The following SLC26A1 variants were observed in gnomAD, a reference collection of about 807,000 sequenced individuals.
The protein encoded by SLC26A1 is sulfate anion transporter 1.
In SLC26A1, 18 loss-of-function variants were observed where a neutral mutation model predicts 14.5. The observed-to-expected ratio is 1.24, with a 90% confidence interval of 0.86 to 1.84. The LOEUF (loss-of-function observed/expected upper bound fraction) is 1.84, where lower values mean the gene tolerates loss of function less well. Ranked by LOEUF, SLC26A1 falls within the 40% of genes most tolerant of loss-of-function variation. The pLI is 0.00. For synonymous variants in SLC26A1, 505 were observed against 492.0 expected (o/e 1.03, Z -0.35); for missense variants, 1,049 against 1,020.0 (o/e 1.03, Z -0.39).
At position 988,208 on chromosome 4, in the gene SLC26A1, A is replaced by C; in HGVS notation, c.*625T>G. On this transcript the variant is annotated 3_prime_UTR_variant, in exon 3 of 3. Transcript: ENST00000398516. ...CTGCGCCGCACCTGGCTCCTGGTGC[A>C]CCCGTGAGCATCCCTGTGTGTGTCT... 7.4e-7 allele frequency: 1 copy of C among 1,343,452 alleles called. No homozygotes were observed. Among genetic ancestry groups the C allele is most frequent in the African/African-American group, 1.5e-5 (1 of 67,798 alleles). 83.2% of individuals were successfully genotyped at this position (1,343,452 alleles called of 1,614,324 possible).
In SLC26A1 at chr4:988,770, C is replaced by T; in HGVS notation, c.*63G>A. 2.7e-6 allele frequency: 4 copies of T among 1,462,156 alleles called. No homozygotes were observed. Among genetic ancestry groups the T allele is most frequent in the Non-Finnish European group, 3.6e-6 (4 of 1,106,588 alleles). 90.6% of individuals were successfully genotyped at this position (1,462,156 alleles called of 1,614,324 possible). On this transcript the variant is annotated 3_prime_UTR_variant, in exon 3 of 3. Transcript: ENST00000398516. ...TCCCTGGGAAGGGTCTCAGCAGTGG[C>T]TTGCAGACGTCTGCTGTGGGTCCCC...
At chr4:991,018 G>C in intron 2 of SLC26A1, 110 bp downstream of exon 2, 1 of 1,151,570 alleles carries the variant, frequency 8.7e-7, no homozygotes, top group Non-Finnish European at 1.2e-6. Flanking sequence ...TCTTGGGCCA[G>C]CACCTCCTCT....
intron 2 of SLC26A1, among the ~76,000 whole-genome samples, chr4:980,107 C>T (rs1005554193): frequency 6.6e-6 from 1 of 152,176 alleles, no homozygotes; most frequent in East Asian, 1.9e-4. Flanking sequence ...GAGATCAGGA[C>T]GGGATTGGAG....
At position 988,158 on chromosome 4, in the gene SLC26A1, G is replaced by C. The variant is rs969123791; in HGVS notation, c.*675C>G. On this transcript the variant is annotated 3_prime_UTR_variant, in exon 3 of 3. Coordinates refer to ENST00000398516, the MANE Select transcript of SLC26A1 (RefSeq NM_022042.4). ...CATGGGGCACGGTGGGCTTCCTGCA[G>C]GTCTCCCTGCAGGCTCAGGGTTGGC... 1 of 1,399,278 alleles carries C rather than the reference G, an allele frequency of 7.1e-7. No individual in the cohort carries two copies. Among genetic ancestry groups the C allele is most frequent in the African/African-American group, 1.5e-5 (1 of 68,886 alleles). The allele number at this position is 1,399,278 out of a possible 1,614,324, so 86.7% of individuals were successfully genotyped here. A position where few individuals can be genotyped will look rare whatever the true frequency, so the allele number is the denominator to read the frequency against.
At chr4:990,549 C>T (rs1056148701) in intron 2 of SLC26A1, 187 bp from the exon 3 acceptor site, 8 of 611,620 alleles carry the variant, frequency 1.3e-5, no homozygotes, top group East Asian at 2.8e-5. Flanking sequence ...GTGCTCATGC[C>T]CGCAGACAAC....
chr4:986,304 C>A (rs975144032), downstream of SLC26A1, among the ~76,000 whole-genome samples: 1 of 152,062 alleles, frequency 6.6e-6, no homozygotes, highest in African/African-American at 2.4e-5. Flanking sequence ...TACAGTTGTC[C>A]CATGGTATCC....
chr4:992,466 T>C (rs1714441118), intron 1 of SLC26A1, among the ~76,000 whole-genome samples: 1 of 152,140 alleles, frequency 6.6e-6, no homozygotes, highest in Non-Finnish European at 1.5e-5. Context: ...GCCTAGCCCA[T>C]CCGCCTGGAC....
exon 3 of SLC26A1, chr4:979,121 C>T (rs1713460585): frequency 3.6e-6 from 1 of 274,470 alleles, no homozygotes; most frequent in African/African-American, 2.2e-5. Context: ...GAAAGGTAAT[C>T]CTCAGGCCCA....
rs121965029 is a variant in SLC26A1, at chr4:987,916, G to A, written c.*917C>T. 20 of 1,600,848 alleles carry A rather than the reference G, an allele frequency of 1.2e-5. No homozygotes were observed. The highest frequency in any genetic ancestry group is 1.7e-4 in the Middle Eastern group (1 of 6,016). On this transcript the variant is annotated 3_prime_UTR_variant, in exon 3 of 3. Coordinates refer to ENST00000398516, the MANE Select transcript of SLC26A1 (RefSeq NM_022042.4). Reference sequence around the variant, plus strand: ...CCTCACCGCGGCATCAAGCAGGTCCGGACCCACTGGCTGCTGGAGCTTGTC... The same window carrying A: ...CCTCACCGCGGCATCAAGCAGGTCCAGACCCACTGGCTGCTGGAGCTTGTC...
chr4:989,882 C>A lies in SLC26A1; in HGVS notation c.1057G>T (p.Ala353Ser). 6.4e-7 allele frequency: 1 copy of A among 1,571,532 alleles called. No individual in the cohort carries two copies. The change falls in exon 3 of 3, where the codon GCC becomes TCC. Residue 353 changes from alanine to serine, a missense_variant. By Grantham distance (99) the Ala-to-Ser change is moderately conservative. Coordinates refer to ENST00000398516, the MANE Select transcript of SLC26A1 (RefSeq NM_022042.4). ...TCCGCCAGCGAGATGGAGAAGGCGGCAGCCACGAGGGCCAGGGCCACGGCA... is the reference window on the plus strand; with the variant it reads ...TCCGCCAGCGAGATGGAGAAGGCGGAAGCCACGAGGGCCAGGGCCACGGCA... ...LDAVALALVA[A>S]AFSISLAEMF...
At position 988,539 on chromosome 4, in the gene SLC26A1, G is replaced by A. The variant is rs1216125848; in HGVS notation, c.*294C>T. 17 of 1,235,766 alleles carry A rather than the reference G, an allele frequency of 1.4e-5. No homozygotes were observed. Among genetic ancestry groups the A allele is most frequent in the African/African-American group, 6.2e-5 (4 of 64,308 alleles). 76.6% of individuals were successfully genotyped at this position (1,235,766 alleles called of 1,614,324 possible). On this transcript the variant is annotated 3_prime_UTR_variant, in exon 3 of 3. Coordinates refer to ENST00000398516, the MANE Select transcript of SLC26A1 (RefSeq NM_022042.4). The stretch of plus-strand genomic sequence containing the variant: ...TTCAAATAAGATGTCAACCCTGAGC[G>A]TCAGGTCAGGCCCATCCCTCCTGAG...
At chr4:984,672 A>T (rs1437755042), downstream of SLC26A1, among the ~76,000 whole-genome samples, 1 of 152,158 alleles carries the variant, frequency 6.6e-6, no homozygotes, top group African/African-American at 2.4e-5. Context: ...CTCTACTGAA[A>T]ATACAAAAAT....
chr4:987,958 C>T lies in SLC26A1; in HGVS notation c.*875G>A, dbSNP rs559064100. The T allele has an allele frequency of 4.1e-5, 64 of 1,563,416 alleles. No homozygotes were observed. The highest frequency in any genetic ancestry group is 4.8e-5 in the East Asian group (2 of 41,990). ...GAGCTTGTCACCACCAGGTGGGCGG[C>T]GGGCAGGGTCTGGGCGTCCCAGAGC... On this transcript the variant is annotated 3_prime_UTR_variant, in exon 3 of 3. Transcript: ENST00000398516.
At position 987,812 on chromosome 4, in the gene SLC26A1, C is replaced by G. The variant is rs1378930636; in HGVS notation, c.*1021G>C. ...GCCGCCCCTTTGTTGTCCCCAGCCCCCCGCTGCCACACAGCCAGGCTGACC... is the reference window on the plus strand; with the variant it reads ...GCCGCCCCTTTGTTGTCCCCAGCCCGCCGCTGCCACACAGCCAGGCTGACC... On this transcript the variant is annotated 3_prime_UTR_variant, in exon 3 of 3. Transcript: ENST00000398516. 6.2e-7 allele frequency: 1 copy of G among 1,612,414 alleles called. No homozygotes were observed. The highest frequency in any genetic ancestry group is 1.3e-5 in the African/African-American group (1 of 75,056).
chr4:986,907 G>A (rs901985583), downstream of SLC26A1: 68 of 681,684 alleles, frequency 1.0e-4, no homozygotes, highest in African/African-American at 1.0e-3. Flanking sequence ...AAGCCCTGCC[G>A]TGCTCCCGGC....
At chr4:984,244 T>A (rs1447470185), downstream of SLC26A1, among the ~76,000 whole-genome samples, 1 of 152,266 alleles carries the variant, frequency 6.6e-6, no homozygotes, top group African/African-American at 2.4e-5. Flanking sequence ...CTAAGTTTCA[T>A]GAGGTTTTAA....
Position 988,839 on chromosome 4 carries a change from A to G in SLC26A1, c.2100T>C (p.His700=). ...CTGGGCAGGCCTGGCCCTGCTACAG[A>G]TGGGCATCGGTGGCCTCCAGCTCCC... The part of the protein sequence containing the change: ...RHRELEATDA[H]L Residue 700 remains histidine, a synonymous_variant, in exon 3 of 3, where the codon CAT becomes CAC. Coordinates refer to ENST00000398516, the MANE Select transcript of SLC26A1 (RefSeq NM_022042.4). The G allele has an allele frequency of 4.4e-6, 7 of 1,594,622 alleles. No individual in the cohort carries two copies. The highest frequency in any genetic ancestry group is 5.1e-6 in the Non-Finnish European group (6 of 1,170,476).
chr4:988,895 C>A lies in SLC26A1; in HGVS notation c.2044G>T (p.Asp682Tyr). 1 of 1,604,168 alleles carries A rather than the reference C, an allele frequency of 6.2e-7. No homozygotes were observed. The highest frequency in any genetic ancestry group is 8.5e-7 in the Non-Finnish European group (1 of 1,176,278). Residue 682 changes from aspartate (D) to tyrosine (Y), a missense_variant, in exon 3 of 3, where the codon GAT becomes TAT. Physicochemically the swap from Asp to Tyr is radical, Grantham distance 160. Transcript: ENST00000398516. The stretch of plus-strand genomic sequence containing the variant: ...CGGGCTCGTGCTGTCTGCACGGCAT[C>A]GTGCACACTGAGGAACAGCTGCTCC... ...EEEQLFLSVH[D>Y]AVQTARARHR...
At chr4:986,942 C>T, downstream of SLC26A1, 2 of 660,882 alleles carry the variant, frequency 3.0e-6, no homozygotes, top group Middle Eastern at 3.7e-4. Flanking sequence ...CGAGGCCACC[C>T]AACCCCTCCC....
Sources: allele counts gnomAD v4.1 joint callset (sites outside exome capture counted in the v4.1 genomes callset), GRCh38; gene constraint gnomAD v4.1.1; transcripts MANE v1.5; gene names NCBI Gene and HGNC (gene_info 2026-07-23, HGNC 2026-07-21).